Variants in MYOCD observed in about 807,000 individuals in gnomAD.
MYOCD encodes myocardin.
A neutral mutation model predicts 96.1 loss-of-function variants in MYOCD; 32 were observed. That is an observed-to-expected ratio of 0.33 (90% CI 0.25 to 0.45). The LOEUF (loss-of-function observed/expected upper bound fraction) is 0.45, where lower values mean the gene tolerates loss of function less well. Among genes scored for constraint, MYOCD ranks in the 20% least tolerant of loss-of-function variants. The pLI, the probability that MYOCD is intolerant of heterozygous loss-of-function variation, is 1.00. For missense variants in MYOCD, 1,133 were observed against 1,200.6 expected, an observed-to-expected ratio of 0.94 and a Z score of 0.83; for synonymous variants, 469 against 469.0, an observed-to-expected ratio of 1.00 and a Z score of 0.00.
At chr17:12,718,679 T>C (rs2031721969) in intron 4 of MYOCD, among the ~76,000 whole-genome samples, 2 of 152,108 alleles carry the variant, frequency 1.3e-5, no homozygotes, top group African/African-American at 4.8e-5. Context: ...AAGGGAAGGC[T>C]GTGTGGGATG....
At chr17:12,739,029 A>G (rs1249807212) in intron 6 of MYOCD, among the ~76,000 whole-genome samples, 174 bp from the exon 7 acceptor site, 1 of 152,212 alleles carries the variant, frequency 6.6e-6, no homozygotes, top group African/African-American at 2.4e-5. Context: ...ATACACACAC[A>G]CATATATACA....
At chr17:12,675,803 G>A (rs2150632167) in intron 1 of MYOCD, among the ~76,000 whole-genome samples, 1 of 152,320 alleles carries the variant, frequency 6.6e-6, no homozygotes, top group East Asian at 1.9e-4. Context: ...AGGTTGCAGT[G>A]AGACGAGATC....
chr17:12,708,882 C>T (rs1034198983), intron 2 of MYOCD, among the ~76,000 whole-genome samples: 4 of 152,140 alleles, frequency 2.6e-5, no homozygotes, highest in Admixed American at 1.3e-4. Context: ...CAAAATGAAT[C>T]GCTTGGCCTT....
intron 1 of MYOCD, among the ~76,000 whole-genome samples, chr17:12,677,294 T>A (rs1012840102): frequency 2.6e-5 from 4 of 152,002 alleles, no homozygotes; most frequent in African/African-American, 9.7e-5. Context: ...GAAAAATAAC[T>A]AATGGGTATT....
intron 1 of MYOCD, among the ~76,000 whole-genome samples, chr17:12,697,899 A>G (rs2030856826): frequency 6.6e-6 from 1 of 152,220 alleles, no homozygotes; most frequent in African/African-American, 2.4e-5. Context: ...TGGCAGTTAT[A>G]TATAGTTTCC....
chr17:12,751,539 C>A (rs892871790), intron 9 of MYOCD, among the ~76,000 whole-genome samples: 11 of 152,198 alleles, frequency 7.2e-5, no homozygotes, highest in Admixed American at 1.3e-4. Context: ...AAGATAATTA[C>A]AAGTGAATTA....
intron 2 of MYOCD, among the ~76,000 whole-genome samples, chr17:12,713,892 T>A (rs1020285148): frequency 1.9e-4 from 29 of 152,086 alleles, no homozygotes; most frequent in African/African-American, 6.8e-4. Flanking sequence ...AAAAGGGTCA[T>A]CTAAAAAGGG....
chr17:12,680,618 G>C (rs910557894), intron 1 of MYOCD, among the ~76,000 whole-genome samples: 1 of 152,206 alleles, frequency 6.6e-6, no homozygotes, highest in Non-Finnish European at 1.5e-5. Flanking sequence ...TGTGCGCGCT[G>C]TCTGCTTAAT....
At chr17:12,667,807 C>G (rs1267460570) in intron 1 of MYOCD, among the ~76,000 whole-genome samples, 1 of 152,072 alleles carries the variant, frequency 6.6e-6, no homozygotes, top group Non-Finnish European at 1.5e-5. Flanking sequence ...CCTGGTGTCT[C>G]CTAAGTAGAC....
chr17:12,721,021 T>TAA (rs760458241), intron 4 of MYOCD, among the ~76,000 whole-genome samples: 1,759 of 107,504 alleles, frequency 0.016, 74 homozygotes, highest in Admixed American at 0.095. Flanking sequence ...GACTCTGTCT[T>TAA]AAAAAAAAAA....
At position 12,717,382 on chromosome 17, in the gene MYOCD, T is replaced by G. The variant is rs529531835; in HGVS notation, c.214T>G (p.Cys72Gly). 1.9e-6 allele frequency: 3 copies of G among 1,614,104 alleles called. No individual in the cohort carries two copies. The Admixed American group carries it at 5.0e-5, about 27-fold the overall frequency. The change falls in exon 4 of 14, where the codon TGC becomes GGC. Residue 72 changes from cysteine to glycine, a missense_variant. Transcript: ENST00000425538. ...NSLKRKARNR[C>G]NSADLVNMHI... ...CCTGAAGCGCAAAGCCAGAAACAGG[T>G]GCAACAGTGCCGACTTGGTTAATAT...
In MYOCD at chr17:12,766,285, G is replaced by T. The variant is rs986218692; in HGVS notation, c.*2641G>T. 112 of 152,260 alleles carry T rather than the reference G, an allele frequency of 7.4e-4. 1 individual carries two copies. Among genetic ancestry groups the T allele is most frequent in the African/African-American group, 2.4e-3 (101 of 41,544 alleles). 9.4% of individuals were successfully genotyped at this position (152,260 alleles called of 1,614,324 possible). Reference sequence around the variant, plus strand: ...CTGAGAGACTAGACCTAGTTAGGAGGCCTCTGTACTTCTCCAGATTGTACC... The same window carrying T: ...CTGAGAGACTAGACCTAGTTAGGAGTCCTCTGTACTTCTCCAGATTGTACC... On this transcript the variant is annotated 3_prime_UTR_variant, in exon 14 of 14. Transcript: ENST00000425538.
At chr17:12,720,280 CCTCTGTACAAAATCGATTGCT>C (rs1450748227) in intron 4 of MYOCD, 1 of 152,158 alleles carries the variant, frequency 6.6e-6, no homozygotes, top group Non-Finnish European at 1.5e-5. Flanking sequence ...CCTCCTCAAG[CCTCTGTACAAAATCGATTGCT>C]CTCTGCCACA....
intron 1 of MYOCD, among the ~76,000 whole-genome samples, chr17:12,692,263 A>G (rs1007050000): frequency 3.3e-5 from 5 of 152,248 alleles, no homozygotes; most frequent in African/African-American, 1.2e-4. Flanking sequence ...TTGCATTCGC[A>G]TCGCAACCTA....
chr17:12,695,951 T>C (rs779387725), intron 1 of MYOCD, among the ~76,000 whole-genome samples: 1 of 152,090 alleles, frequency 6.6e-6, no homozygotes, highest in Non-Finnish European at 1.5e-5. Flanking sequence ...GTTTCTACTT[T>C]TGTAATTGGC....
chr17:12,749,670 TATATACAC>T (rs2032779244), intron 9 of MYOCD, among the ~76,000 whole-genome samples: 1 of 148,202 alleles, frequency 6.7e-6, no homozygotes, highest in Non-Finnish European at 1.5e-5. Flanking sequence ...TACACATATG[TATATACAC>T]ATACATATGT....
intron 8 of MYOCD, among the ~76,000 whole-genome samples, 159 bp downstream of exon 8, chr17:12,744,595 A>G (rs893821312): frequency 6.6e-6 from 1 of 152,120 alleles, no homozygotes; most frequent in African/African-American, 2.4e-5. Context: ...AACTATGCAC[A>G]CCTTTTCAGA....
intron 5 of MYOCD, among the ~76,000 whole-genome samples, chr17:12,733,391 A>G (rs1375055611): frequency 1.3e-5 from 2 of 151,984 alleles, no homozygotes; most frequent in African/African-American, 4.8e-5. Flanking sequence ...CAATCAACCA[A>G]GCAGGTTGAT....
chr17:12,675,705 A>G (rs1452973641), intron 1 of MYOCD, among the ~76,000 whole-genome samples: 1 of 152,200 alleles, frequency 6.6e-6, no homozygotes, highest in East Asian at 1.9e-4. Context: ...AAAAATACAA[A>G]AAATTAGCCT....
Sources: allele counts gnomAD v4.1 joint callset (sites outside exome capture counted in the v4.1 genomes callset), GRCh38; gene constraint gnomAD v4.1.1; transcripts MANE v1.5; gene names NCBI Gene and HGNC (gene_info 2026-07-23, HGNC 2026-07-21).